PCGF6: variants seen among roughly 807,000 people sequenced by gnomAD.
PCGF6 encodes polycomb group RING finger protein 6.
Under a neutral mutation model 45.5 loss-of-function variants are expected in PCGF6, and 24 were observed. That is an observed-to-expected ratio of 0.53 (90% CI 0.38 to 0.74). PCGF6 has a LOEUF of 0.74. PCGF6 is among the 30% of genes least tolerant of loss of function. PCGF6 has a pLI of 0.00. For synonymous variants in PCGF6, 152 were observed against 162.1 expected, an observed-to-expected ratio of 0.94 and a Z score of 0.47; for missense variants, 356 against 443.2, an observed-to-expected ratio of 0.80 and a Z score of 1.77.
chr10:103,330,979 C>A (rs2093238197), intron 7 of PCGF6, among the ~76,000 whole-genome samples: 1 of 152,080 alleles, frequency 6.6e-6, no homozygotes, highest in African/African-American at 2.4e-5. Context: ...CCCCATTCAG[C>A]CTCTTCCCCA....
intron 6 of PCGF6, among the ~76,000 whole-genome samples, chr10:103,344,766 C>T (rs537523419): frequency 6.9e-4 from 104 of 151,814 alleles, no homozygotes; most frequent in African/African-American, 2.1e-3. Flanking sequence ...GACGGGGTTT[C>T]GCCATGTTAG....
intron 7 of PCGF6, among the ~76,000 whole-genome samples, chr10:103,332,165 T>C: frequency 6.6e-6 from 1 of 152,336 alleles, no homozygotes; most frequent in South Asian, 2.1e-4. Flanking sequence ...CCTTCCTATA[T>C]GTCTTGGCAA....
At chr10:103,341,723 C>T (rs1008837451) in intron 6 of PCGF6, among the ~76,000 whole-genome samples, 7 of 151,724 alleles carry the variant, frequency 4.6e-5, no homozygotes, top group Non-Finnish European at 8.8e-5. Context: ...GGATTACAGG[C>T]GAGAGCCACT....
chr10:103,323,069 T>C (rs957106321), intron 8 of PCGF6, among the ~76,000 whole-genome samples: 4 of 152,064 alleles, frequency 2.6e-5, no homozygotes, highest in African/African-American at 4.8e-5. Flanking sequence ...ATGGGATCAC[T>C]CATAATTCTT....
chr10:103,332,464 C>G lies in PCGF6; in HGVS notation c.810+1461G>C, dbSNP rs146238814. Among the ~76,000 whole-genome samples the G allele has an allele frequency of 4.6e-5, 7 of 152,186 alleles. No individual in the cohort carries two copies. The East Asian group carries it at 1.2e-3, about 25-fold the overall frequency. ...CTAACATTTTTATTTTTGATAGAGA[C>G]AGGGTATTCCTGTGTTGCCCAGACT... On this transcript the variant is annotated intron_variant, in intron 7 of 9. Coordinates refer to ENST00000369847, the MANE Select transcript of PCGF6 (RefSeq NM_001011663.2).
At chr10:103,333,048 G>A (rs1592068956) in intron 7 of PCGF6, among the ~76,000 whole-genome samples, 3 of 151,526 alleles carry the variant, frequency 2.0e-5, no homozygotes, top group South Asian at 2.1e-4. Context: ...GAACCCAGAC[G>A]GCGGAAGTTG....
At chr10:103,344,624 G>A (rs1218396502) in intron 6 of PCGF6, among the ~76,000 whole-genome samples, 3 of 147,672 alleles carry the variant, frequency 2.0e-5, no homozygotes, top group Non-Finnish European at 3.0e-5. Context: ...GTGCAATGGC[G>A]CGATCTTGGC....
At chr10:103,318,697 T>C (rs989268524) in intron 8 of PCGF6, among the ~76,000 whole-genome samples, 2 of 150,690 alleles carry the variant, frequency 1.3e-5, no homozygotes, top group African/African-American at 4.9e-5. Context: ...TGAGCTGAGA[T>C]GGCACCACTG....
intron 8 of PCGF6, among the ~76,000 whole-genome samples, chr10:103,323,046 A>AT (rs572760761): frequency 2.6e-4 from 39 of 152,162 alleles, no homozygotes; most frequent in Non-Finnish European, 5.1e-4. Flanking sequence ...GCTTTTAGAA[A>AT]TAACAGGCTG....
At chr10:103,308,936 T>C (rs941734713) in intron 9 of PCGF6, among the ~76,000 whole-genome samples, 1 of 152,136 alleles carries the variant, frequency 6.6e-6, no homozygotes, top group Non-Finnish European at 1.5e-5. Context: ...GTTTCAGACT[T>C]ACATGGGGAC....
intron 6 of PCGF6, among the ~76,000 whole-genome samples, chr10:103,340,179 G>T (rs2093274977): frequency 6.7e-5 from 1 of 14,960 alleles, no homozygotes; most frequent in Non-Finnish European, 1.7e-4. Flanking sequence ...TCTGTCTCAG[G>T]GAAAAAAAAA....
chr10:103,320,651 T>C (rs960195337), intron 8 of PCGF6, among the ~76,000 whole-genome samples: 12 of 152,152 alleles, frequency 7.9e-5, no homozygotes, highest in Admixed American at 3.9e-4. Flanking sequence ...CATCGCACCA[T>C]TGCACTCCAT....
At chr10:103,307,916 A>T (rs2093143564) in intron 9 of PCGF6, among the ~76,000 whole-genome samples, 1 of 152,216 alleles carries the variant, frequency 6.6e-6, no homozygotes, top group South Asian at 2.1e-4. Context: ...ATCTTTATTG[A>T]ATTTTTAAAA....
chr10:103,331,612 G>A (rs2093240276), intron 7 of PCGF6, among the ~76,000 whole-genome samples: 1 of 152,054 alleles, frequency 6.6e-6, no homozygotes, highest in Non-Finnish European at 1.5e-5. Context: ...CAAATAATGT[G>A]CACACAATGT....
At chr10:103,317,598 C>T (rs560778720) in intron 8 of PCGF6, among the ~76,000 whole-genome samples, 4 of 151,590 alleles carry the variant, frequency 2.6e-5, no homozygotes, top group South Asian at 4.2e-4. Context: ...ATGATCGTAC[C>T]GCTCCACCCC....
At chr10:103,343,832 CAAAAAA>C (rs71019677) in intron 6 of PCGF6, among the ~76,000 whole-genome samples, 2 of 32,478 alleles carry the variant, frequency 6.2e-5, no homozygotes, top group Admixed American at 6.8e-4. Flanking sequence ...AACTCTGTCT[CAAAAAA>C]AAAAAAAAAA....
chr10:103,316,081 A>G (rs2093175519), intron 8 of PCGF6, among the ~76,000 whole-genome samples: 1 of 151,574 alleles, frequency 6.6e-6, no homozygotes, highest in Admixed American at 6.6e-5. Context: ...TAACATTACT[A>G]TTTAGATTAT....
intron 8 of PCGF6, among the ~76,000 whole-genome samples, chr10:103,316,368 G>C (rs2093176352): frequency 6.6e-6 from 1 of 152,120 alleles, no homozygotes; most frequent in African/African-American, 2.4e-5. Flanking sequence ...GGTTGGGAAA[G>C]AACAGTAATA....
At chr10:103,318,078 G>A (rs569543345) in intron 8 of PCGF6, among the ~76,000 whole-genome samples, 36 of 151,090 alleles carry the variant, frequency 2.4e-4, no homozygotes, top group African/African-American at 8.5e-4. Flanking sequence ...GTTTCTAAGA[G>A]TTTGATGTGT....
Sources: gnomAD v4.1 joint callset for allele counts (sites outside exome capture counted in the v4.1 genomes callset) on GRCh38, gnomAD v4.1.1 for gene constraint, MANE v1.5 for transcripts, NCBI Gene and HGNC (gene_info 2026-07-23, HGNC 2026-07-21) for gene names.